ZRANB3: variants seen among roughly 807,000 people sequenced by gnomAD.
The protein encoded by ZRANB3 is zinc finger RANBP2-type containing 3.
Under a neutral mutation model 133.8 loss-of-function variants are expected in ZRANB3, and 125 were observed. The observed-to-expected ratio is 0.93, with a 90% CI of 0.81 to 1.08. The LOEUF is 1.08. Ranked by LOEUF, ZRANB3 falls within the 50% of genes least tolerant of loss-of-function variation. The pLI, the probability that ZRANB3 is intolerant of heterozygous loss-of-function variation, is 0.00. For synonymous variants in ZRANB3, 387 were observed against 432.7 expected, an observed-to-expected ratio of 0.89 and a Z score of 1.31; for missense variants, 1,229 against 1,275.5, an observed-to-expected ratio of 0.96 and a Z score of 0.56.
At chr2:135,442,168 T>C (rs550651379) in intron 2 of ZRANB3, among the ~76,000 whole-genome samples, 41 of 152,180 alleles carry the variant, frequency 2.7e-4, no homozygotes, top group African/African-American at 9.9e-4. Context: ...CCAAAAGCAA[T>C]GGCAACAAAA....
intron 8 of ZRANB3, among the ~76,000 whole-genome samples, chr2:135,302,053 T>G (rs1682460130): frequency 6.6e-6 from 1 of 152,178 alleles, no homozygotes; most frequent in South Asian, 2.1e-4. Flanking sequence ...ACAAACTGGT[T>G]TGGGAGAACT....
intron 20 of ZRANB3, among the ~76,000 whole-genome samples, chr2:135,202,139 A>T (rs1056829862): frequency 2.6e-5 from 4 of 152,264 alleles, no homozygotes; most frequent in African/African-American, 9.6e-5. Context: ...ATACTGTATT[A>T]TGCAGTCATT....
intron 2 of ZRANB3, among the ~76,000 whole-genome samples, chr2:135,454,035 T>A (rs1690388536): frequency 1.3e-5 from 2 of 152,214 alleles, no homozygotes. Flanking sequence ...CGAAAGCCAC[T>A]TCTTACATGG....
intron 8 of ZRANB3, among the ~76,000 whole-genome samples, chr2:135,297,503 T>C (rs954197989): frequency 6.6e-6 from 1 of 152,240 alleles, no homozygotes; most frequent in Non-Finnish European, 1.5e-5. Flanking sequence ...GGAAAGGGAA[T>C]TCCCTGACCC....
At chr2:135,286,030 T>C (rs1290741445) in intron 8 of ZRANB3, among the ~76,000 whole-genome samples, 1 of 152,262 alleles carries the variant, frequency 6.6e-6, no homozygotes, top group East Asian at 1.9e-4. Context: ...ATTCCTTTAC[T>C]ATTTATCATC....
At chr2:135,373,495 A>G (rs921417185) in intron 3 of ZRANB3, among the ~76,000 whole-genome samples, 73 of 152,242 alleles carry the variant, frequency 4.8e-4, no homozygotes, top group Middle Eastern at 6.8e-3. Flanking sequence ...AAAGCATAAA[A>G]AGTCATGATG....
intron 9 of ZRANB3, among the ~76,000 whole-genome samples, chr2:135,273,651 G>A (rs1378008144): frequency 6.6e-6 from 1 of 151,836 alleles, no homozygotes; most frequent in Admixed American, 6.6e-5. Flanking sequence ...CGATTCTCCT[G>A]CCCCAGCCTC....
chr2:135,217,364 T>C, intron 17 of ZRANB3, 101 bp downstream of exon 17: 1 of 1,148,532 alleles, frequency 8.7e-7, no homozygotes, highest in South Asian at 1.8e-5. Context: ...TCATAACTCA[T>C]CAGGATTTCA....
At chr2:135,314,811 C>T (rs375895259) in intron 7 of ZRANB3, among the ~76,000 whole-genome samples, 4 of 151,242 alleles carry the variant, frequency 2.6e-5, no homozygotes, top group Admixed American at 1.3e-4. Flanking sequence ...TGCAATGGCG[C>T]GATCTCGGCT....
chr2:135,511,092 G>A lies in ZRANB3; in HGVS notation c.-7-6596C>T, dbSNP rs147436473. The A allele has an allele frequency of 1.6e-4, 121 of 768,660 alleles. No individual in the cohort carries two copies. In the East Asian group the frequency reaches 2.8e-3, roughly 18 times the overall value. The allele number at this position is 768,660 out of a possible 1,614,324, so 47.6% of individuals were successfully genotyped here. A position where few individuals can be genotyped will look rare whatever the true frequency, so the allele number is the denominator to read the frequency against. ...AATCTGAGATTCAGGCTTAGACTCT[G>A]TACAGGGCTGTGAAGCTAGTACTTT... On this transcript the variant is annotated intron_variant, in intron 1 of 20. Transcript: ENST00000264159.
chr2:135,216,882 G>A (rs1694333165), intron 17 of ZRANB3, among the ~76,000 whole-genome samples: 2 of 152,210 alleles, frequency 1.3e-5, no homozygotes, highest in Admixed American at 1.3e-4. Context: ...GGATAAAGAT[G>A]ATTGTGATGA....
intron 2 of ZRANB3, among the ~76,000 whole-genome samples, chr2:135,395,715 C>T (rs564055911): frequency 1.3e-5 from 2 of 152,212 alleles, no homozygotes; most frequent in African/African-American, 4.8e-5. Context: ...GCCTCGGCCT[C>T]CCAAAGTGCT....
At chr2:135,512,256 T>C (rs577682607) in intron 1 of ZRANB3, among the ~76,000 whole-genome samples, 1 of 152,268 alleles carries the variant, frequency 6.6e-6, no homozygotes, top group South Asian at 2.1e-4. Flanking sequence ...CAAGATAGTG[T>C]TTTTGTACTC....
chr2:135,358,458 G>C (rs1685530159), intron 3 of ZRANB3, among the ~76,000 whole-genome samples: 1 of 151,960 alleles, frequency 6.6e-6, no homozygotes, highest in African/African-American at 2.4e-5. Context: ...CAGCTGAAAA[G>C]GAAAAAACAA....
intron 3 of ZRANB3, among the ~76,000 whole-genome samples, chr2:135,364,041 G>A (rs926364907): frequency 7.3e-5 from 11 of 151,494 alleles, no homozygotes; most frequent in South Asian, 6.3e-4. Flanking sequence ...GCAAGAACTC[G>A]TCTCTAAAAA....
chr2:135,283,976 C>CTGA (rs1681221804), intron 8 of ZRANB3, among the ~76,000 whole-genome samples: 2 of 152,118 alleles, frequency 1.3e-5, no homozygotes, highest in African/African-American at 4.8e-5. Context: ...GAGCGAGACC[C>CTGA]TGACCCTTAA....
intron 3 of ZRANB3, among the ~76,000 whole-genome samples, chr2:135,383,986 C>T (rs545675957): frequency 2.0e-5 from 3 of 152,216 alleles, no homozygotes; most frequent in Admixed American, 2.0e-4. Context: ...CAAGAAATAA[C>T]TAAGATCAGA....
chr2:135,479,179 G>A (rs1691645657), intron 2 of ZRANB3, among the ~76,000 whole-genome samples: 1 of 151,250 alleles, frequency 6.6e-6, no homozygotes, highest in African/African-American at 2.4e-5. Context: ...TCTTATATAT[G>A]CATATCTCCA....
At chr2:135,452,419 C>T (rs868538077) in intron 2 of ZRANB3, among the ~76,000 whole-genome samples, 3 of 152,180 alleles carry the variant, frequency 2.0e-5, no homozygotes, top group Non-Finnish European at 4.4e-5. Context: ...GCCTTCCCAA[C>T]AGTCCCCCAA....
Sources: allele counts gnomAD v4.1 joint callset (sites outside exome capture counted in the v4.1 genomes callset), GRCh38; gene constraint gnomAD v4.1.1; transcripts MANE v1.5; gene names NCBI Gene and HGNC (gene_info 2026-07-23, HGNC 2026-07-21).